The following CENPK variants were observed in gnomAD, a reference collection of about 807,000 sequenced individuals.
CENPK encodes centromere protein K.
CENPK carries 46 observed loss-of-function variants against 40.9 expected under a neutral mutation model. That is an observed-to-expected ratio of 1.13 (90% CI 0.89 to 1.44). The LOEUF is 1.44. Ranked by LOEUF, CENPK falls within the 40% of genes most tolerant of loss-of-function variation. CENPK has a pLI of 0.00. For missense variants in CENPK, 288 were observed against 303.5 expected (o/e 0.95, Z 0.38); for synonymous variants, 107 against 104.4 (o/e 1.02, Z -0.15).
At chr5:65,509,207 T>G in the CENPK span, among the ~76,000 whole-genome samples, 95 of 152,268 alleles carry the variant, frequency 6.2e-4, no homozygotes, top group African/African-American at 2.3e-3. Flanking sequence ...GTCAGGCAGA[T>G]TCTCAGTTAT....
intron 2 of CENPK, among the ~76,000 whole-genome samples, chr5:65,557,337 T>C (rs1751149021): frequency 6.6e-6 from 1 of 152,134 alleles, no homozygotes; most frequent in East Asian, 1.9e-4. Context: ...GACAGAGTCT[T>C]TTTCCTCTCC....
intron 6 of CENPK, among the ~76,000 whole-genome samples, chr5:65,537,075 A>G (rs1001270948): frequency 6.6e-6 from 1 of 152,232 alleles, no homozygotes; most frequent in African/African-American, 2.4e-5. Flanking sequence ...CACCAAAAAC[A>G]GCACCATGCT....
At chr5:65,504,156 T>C in the CENPK span, among the ~76,000 whole-genome samples, 1 of 151,666 alleles carries the variant, frequency 6.6e-6, no homozygotes, top group East Asian at 1.9e-4. Flanking sequence ...GTCTTATATA[T>C]TTTTTTAAAA....
intron 10 of CENPK, 34 bp downstream of exon 10, chr5:65,521,441 C>G: frequency 6.4e-7 from 1 of 1,561,638 alleles, no homozygotes; most frequent in Non-Finnish European, 8.8e-7. Flanking sequence ...ACTAAGACAG[C>G]TTCAAGACAA....
At chr5:65,502,793 A>T in the CENPK span, among the ~76,000 whole-genome samples, 3 of 151,266 alleles carry the variant, frequency 2.0e-5, no homozygotes, top group Non-Finnish European at 4.4e-5. Context: ...ATAAATTTTT[A>T]AATTTTATTT....
the CENPK span, among the ~76,000 whole-genome samples, chr5:65,496,616 G>A: frequency 6.6e-6 from 1 of 151,942 alleles, no homozygotes; most frequent in African/African-American, 2.4e-5. Context: ...ATATTTTCTA[G>A]CACATGTCAT....
chr5:65,555,907 C>G (rs560500379), intron 2 of CENPK, among the ~76,000 whole-genome samples: 11 of 152,308 alleles, frequency 7.2e-5, no homozygotes, highest in South Asian at 4.1e-4. Context: ...ATATACATGT[C>G]TGCAGTTGAA....
chr5:65,535,371 G>T (rs183177504), intron 6 of CENPK, among the ~76,000 whole-genome samples: 1 of 152,274 alleles, frequency 6.6e-6, no homozygotes, highest in African/African-American at 2.4e-5. Context: ...CTGAAAAAAA[G>T]CTCTGAGCCC....
intron 9 of CENPK, among the ~76,000 whole-genome samples, chr5:65,527,247 A>C (rs1274158963): frequency 6.6e-6 from 1 of 151,922 alleles, no homozygotes; most frequent in Non-Finnish European, 1.5e-5. Flanking sequence ...GGCAGAAAAA[A>C]TAGAATGTAT....
At chr5:65,499,979 C>A in the CENPK span, among the ~76,000 whole-genome samples, 1 of 86,358 alleles carries the variant, frequency 1.2e-5, no homozygotes, top group Non-Finnish European at 2.6e-5. Flanking sequence ...TCATCCATGT[C>A]CCTACAAAGG....
At chr5:65,519,500 A>T (rs962885313) in intron 10 of CENPK, among the ~76,000 whole-genome samples, 6 of 152,208 alleles carry the variant, frequency 3.9e-5, no homozygotes, top group African/African-American at 1.2e-4. Context: ...GAGTTAAGAG[A>T]TTCCTCAGGG....
At chr5:65,499,669 T>TTAA in the CENPK span, among the ~76,000 whole-genome samples, 1 of 34,196 alleles carries the variant, frequency 2.9e-5, no homozygotes, top group Non-Finnish European at 6.4e-5. Flanking sequence ...TTTTTTTAAT[T>TTAA]TTTTTTTTTT....
At chr5:65,552,304 T>C (rs1477348075) in intron 4 of CENPK, among the ~76,000 whole-genome samples, 189 bp downstream of exon 4, 1 of 152,222 alleles carries the variant, frequency 6.6e-6, no homozygotes, top group Non-Finnish European at 1.5e-5. Flanking sequence ...TAATAGCTTG[T>C]TCTAGAAAGT....
At chr5:65,537,544 C>T (rs943835505) in intron 6 of CENPK, among the ~76,000 whole-genome samples, 3 of 152,122 alleles carry the variant, frequency 2.0e-5, no homozygotes, top group African/African-American at 7.2e-5. Flanking sequence ...TCGTGATCTG[C>T]CCACCTTGGC....
At chr5:65,514,961 G>C (rs202136482), downstream of CENPK, among the ~76,000 whole-genome samples, 1 of 151,242 alleles carries the variant, frequency 6.6e-6, no homozygotes, top group Non-Finnish European at 1.5e-5. Context: ...TTTTGTTATG[G>C]TAAAAGTTTT....
intron 10 of CENPK, 48 bp downstream of exon 10, chr5:65,521,427 A>G: frequency 6.9e-7 from 1 of 1,456,020 alleles, no homozygotes; most frequent in Non-Finnish European, 9.6e-7. Context: ...ATTGTTCACA[A>G]ATGACTAAGA....
At chr5:65,559,020 G>A (rs1004876679) in intron 2 of CENPK, among the ~76,000 whole-genome samples, 1 of 152,120 alleles carries the variant, frequency 6.6e-6, no homozygotes, top group African/African-American at 2.4e-5. Flanking sequence ...TTCAAAACTG[G>A]GCAATTTTAA....
In CENPK at chr5:65,528,451, C is replaced by T. The variant is rs747020010; in HGVS notation, c.597+1G>A. 1.9e-6 allele frequency: 3 copies of T among 1,586,592 alleles called. No individual in the cohort carries two copies. Among genetic ancestry groups the T allele is most frequent in the Non-Finnish European group, 2.6e-6 (3 of 1,172,640 alleles). On this transcript the variant is annotated splice_donor_variant, in intron 9 of 10. Transcript: ENST00000396679. LOFTEE classifies it high-confidence loss of function. ...ACATAAATGTCTTCTCTAAAACTTA[C>T]CTTTTTCTTTTTAACACTTCTATCA...
chr5:65,558,910 C>T (rs1751441845), intron 2 of CENPK, among the ~76,000 whole-genome samples: 1 of 152,100 alleles, frequency 6.6e-6, no homozygotes, highest in Middle Eastern at 3.2e-3. Context: ...GGGCAATGAG[C>T]CAGGAGCTAA....
Sources: allele counts gnomAD v4.1 joint callset (sites outside exome capture counted in the v4.1 genomes callset), GRCh38; gene constraint gnomAD v4.1.1; transcripts MANE v1.5; gene names NCBI Gene and HGNC (gene_info 2026-07-23, HGNC 2026-07-21).